The following MACROD2 variants were observed in gnomAD, a reference collection of about 807,000 sequenced individuals.
MACROD2 encodes mono-ADP ribosylhydrolase 2, also known as ADP-ribose glycohydrolase MACROD2.
In MACROD2, 36 loss-of-function variants were observed where a neutral mutation model predicts 70.4. The observed-to-expected ratio is 0.51, with a 90% confidence interval of 0.39 to 0.68. The LOEUF (loss-of-function observed/expected upper bound fraction) is 0.68. Among genes scored for constraint, MACROD2 ranks in the 30% least tolerant of loss-of-function variants. The pLI is 0.00. For synonymous variants in MACROD2, 172 were observed against 178.8 expected, an observed-to-expected ratio of 0.96 and a Z score of 0.30; for missense variants, 496 against 538.4, an observed-to-expected ratio of 0.92 and a Z score of 0.78.
At chr20:15,257,602 CT>C (rs2077210641) in intron 6 of MACROD2, among the ~76,000 whole-genome samples, 1 of 151,962 alleles carries the variant, frequency 6.6e-6, no homozygotes, top group African/African-American at 2.4e-5. Context: ...AAATTTCTAT[CT>C]TCTTAAGGTT....
At chr20:15,939,035 A>G (rs1342392840) in intron 12 of MACROD2, among the ~76,000 whole-genome samples, 1 of 152,220 alleles carries the variant, frequency 6.6e-6, no homozygotes, top group Non-Finnish European at 1.5e-5. Context: ...GAAAGCTGCA[A>G]AAGGAAAGTT....
At chr20:15,644,562 C>G (rs998703846) in intron 8 of MACROD2, among the ~76,000 whole-genome samples, 9 of 152,172 alleles carry the variant, frequency 5.9e-5, no homozygotes, top group African/African-American at 2.2e-4. Context: ...CTTCTATTCA[C>G]TATGCACTCT....
intron 5 of MACROD2, among the ~76,000 whole-genome samples, chr20:15,139,542 C>T (rs183608791): frequency 2.6e-5 from 4 of 152,146 alleles, no homozygotes; most frequent in Non-Finnish European, 5.9e-5. Context: ...CTGGCTTATA[C>T]CTTGGGATGG....
At chr20:14,537,296 T>C (rs2085378060) in intron 4 of MACROD2, among the ~76,000 whole-genome samples, 1 of 152,048 alleles carries the variant, frequency 6.6e-6, no homozygotes, top group South Asian at 2.1e-4. Flanking sequence ...TGAGGGAGAG[T>C]GAGGCAGCTT....
intron 12 of MACROD2, among the ~76,000 whole-genome samples, chr20:15,950,255 A>G (rs2065885712): frequency 6.6e-6 from 1 of 152,236 alleles, no homozygotes; most frequent in Non-Finnish European, 1.5e-5. Flanking sequence ...ACTGTAATTT[A>G]AGAGTTTTTA....
chr20:14,872,423 AAG>A (rs895485593), intron 5 of MACROD2, among the ~76,000 whole-genome samples: 7 of 152,246 alleles, frequency 4.6e-5, no homozygotes, highest in African/African-American at 1.7e-4. Context: ...GAGGGAAAAA[AAG>A]GGTAAACAGC....
At chr20:15,710,130 A>G (rs2050602820) in intron 8 of MACROD2, among the ~76,000 whole-genome samples, 1 of 151,544 alleles carries the variant, frequency 6.6e-6, no homozygotes, top group African/African-American at 2.4e-5. Flanking sequence ...CACCAAGGAA[A>G]TGCAACTCAA....
At chr20:14,689,062 G>T (rs2071033932) in intron 5 of MACROD2, among the ~76,000 whole-genome samples, 2 of 151,932 alleles carry the variant, frequency 1.3e-5, no homozygotes, top group African/African-American at 4.8e-5. Flanking sequence ...CTCCTTCTGT[G>T]CTTCCCCCAC....
At chr20:14,282,682 T>C (rs1323338521) in intron 3 of MACROD2, among the ~76,000 whole-genome samples, 1 of 152,140 alleles carries the variant, frequency 6.6e-6, no homozygotes, top group East Asian at 1.9e-4. Flanking sequence ...ACTCAACTTC[T>C]AGGGAGGCCT....
At chr20:14,962,584 A>G (rs1022782026) in intron 5 of MACROD2, among the ~76,000 whole-genome samples, 7 of 151,228 alleles carry the variant, frequency 4.6e-5, no homozygotes, top group Non-Finnish European at 1.0e-4. Context: ...AAGTTACGCT[A>G]TAACAAGTGT....
intron 5 of MACROD2, among the ~76,000 whole-genome samples, chr20:14,835,380 T>A (rs536724500): frequency 4.3e-4 from 66 of 152,106 alleles, no homozygotes; most frequent in African/African-American, 1.6e-3. Flanking sequence ...TATCAGATAG[T>A]CAGTAAGGTC....
chr20:14,995,970 C>A (rs1254727349), intron 5 of MACROD2, among the ~76,000 whole-genome samples: 1 of 152,106 alleles, frequency 6.6e-6, no homozygotes, highest in African/African-American at 2.4e-5. Flanking sequence ...ATAAAAATTT[C>A]TGCGCTGGAA....
chr20:15,623,983 C>A (rs2049166511), intron 8 of MACROD2, among the ~76,000 whole-genome samples: 1 of 152,030 alleles, frequency 6.6e-6, no homozygotes, highest in Admixed American at 6.6e-5. Flanking sequence ...AAAGTGAAGT[C>A]CCACAATAGG....
chr20:15,933,432 C>G, intron 11 of MACROD2, 94 bp downstream of exon 11: 1 of 1,171,470 alleles, frequency 8.5e-7, no homozygotes, highest in East Asian at 2.6e-5. Flanking sequence ...AATGCTTATA[C>G]ATTTCACCAG....
intron 3 of MACROD2, among the ~76,000 whole-genome samples, chr20:14,151,176 A>G (rs2055015030): frequency 6.6e-6 from 1 of 152,202 alleles, no homozygotes; most frequent in African/African-American, 2.4e-5. Context: ...GCTATCTTGT[A>G]TCTACTAGTC....
chr20:14,058,178 T>C (rs1277330631), intron 2 of MACROD2, among the ~76,000 whole-genome samples: 2 of 152,146 alleles, frequency 1.3e-5, no homozygotes, highest in African/African-American at 2.4e-5. Context: ...TTGTAAAATT[T>C]ATGATTTGTG....
intron 3 of MACROD2, among the ~76,000 whole-genome samples, chr20:14,286,754 G>A (rs535149115): frequency 3.9e-5 from 6 of 152,068 alleles, no homozygotes; most frequent in African/African-American, 1.4e-4. Flanking sequence ...GCTTTATCTC[G>A]AAATGCTCTG....
chr20:14,338,438 G>T lies in MACROD2; in HGVS notation c.272-155041G>T, dbSNP rs191962695. 1.4e-4 allele frequency among the ~76,000 whole-genome samples: 21 copies of T among 152,204 alleles called. No individual in the cohort carries two copies. In the East Asian group the frequency reaches 3.9e-3, roughly 28 times the overall value. ...GGGAAGGGCAATAGGAATGCCAAAA[G>T]ATTTTTTTAAATGGTATTAAATGGT... is the stretch of plus-strand genomic sequence containing the variant. On this transcript the variant is annotated intron_variant, in intron 3 of 17. Transcript: ENST00000684519.
At chr20:16,031,711 C>T (rs1465206381) in intron 15 of MACROD2, among the ~76,000 whole-genome samples, 1 of 152,084 alleles carries the variant, frequency 6.6e-6, no homozygotes. Flanking sequence ...AATCAATGCA[C>T]ATATTAAAAT....
Sources: gnomAD v4.1 joint callset for allele counts (sites outside exome capture counted in the v4.1 genomes callset) on GRCh38, gnomAD v4.1.1 for gene constraint, MANE v1.5 for transcripts, NCBI Gene and HGNC (gene_info 2026-07-23, HGNC 2026-07-21) for gene names.